MSRA: variants seen among roughly 807,000 people sequenced by gnomAD.
MSRA encodes mitochondrial peptide methionine sulfoxide reductase.
A neutral mutation model predicts 31.3 loss-of-function variants in MSRA; 54 were observed. That is an observed-to-expected ratio of 1.73 (90% CI 1.39 to 2.17). The LOEUF is 2.17. Ranked by LOEUF, MSRA falls within the 30% of genes most tolerant of loss-of-function variation. MSRA has a pLI of 0.00. For missense variants in MSRA, 507 were observed against 300.9 expected, an observed-to-expected ratio of 1.69 and a Z score of -5.07; for synonymous variants, 169 against 116.5, an observed-to-expected ratio of 1.45 and a Z score of -2.90.
chr8:10,324,444 C>A (rs1430406066), intron 5 of MSRA, among the ~76,000 whole-genome samples: 1 of 152,078 alleles, frequency 6.6e-6, no homozygotes, highest in Non-Finnish European at 1.5e-5. Flanking sequence ...CATGGGACGG[C>A]CACGGAACAT....
intron 1 of MSRA, among the ~76,000 whole-genome samples, chr8:10,096,886 G>A (rs994335438): frequency 4.6e-5 from 7 of 152,112 alleles, no homozygotes; most frequent in African/African-American, 1.7e-4. Context: ...ATTAAGTTAT[G>A]ACTTCCTATA....
At chr8:10,404,153 C>A (rs955445355) in intron 5 of MSRA, among the ~76,000 whole-genome samples, 1 of 152,124 alleles carries the variant, frequency 6.6e-6, no homozygotes, top group Admixed American at 6.5e-5. Context: ...TGCATCACCT[C>A]GGCCCCTGGT....
intron 1 of MSRA, among the ~76,000 whole-genome samples, chr8:10,200,633 C>T (rs575892664): frequency 1.8e-4 from 27 of 152,270 alleles, no homozygotes; most frequent in African/African-American, 6.5e-4. Context: ...GGAGAAGCCC[C>T]TCCCAGTGAC....
intron 3 of MSRA, among the ~76,000 whole-genome samples, chr8:10,247,773 C>CT (rs2129084125): frequency 6.6e-6 from 1 of 152,226 alleles, no homozygotes; most frequent in East Asian, 1.9e-4. Context: ...TTTCCCTAGG[C>CT]TTTTTTGTTG....
intron 1 of MSRA, among the ~76,000 whole-genome samples, chr8:10,166,206 C>T (rs1471240180): frequency 3.3e-5 from 5 of 152,112 alleles, no homozygotes; most frequent in Non-Finnish European, 5.9e-5. Context: ...TGACAGGCTT[C>T]TTTAGAAGTT....
intron 5 of MSRA, among the ~76,000 whole-genome samples, chr8:10,333,603 C>T (rs1802836433): frequency 6.6e-6 from 1 of 152,170 alleles, no homozygotes; most frequent in Non-Finnish European, 1.5e-5. Context: ...GTGGCTACTT[C>T]TTAGGCAGTT....
chr8:10,383,384 G>T (rs1347490786), intron 5 of MSRA, among the ~76,000 whole-genome samples: 1 of 152,196 alleles, frequency 6.6e-6, no homozygotes, highest in Non-Finnish European at 1.5e-5. Flanking sequence ...CGTGTGTGTT[G>T]TGTGTTTCTG....
chr8:10,395,446 A>G (rs534990173), intron 5 of MSRA, among the ~76,000 whole-genome samples: 10 of 152,294 alleles, frequency 6.6e-5, no homozygotes, highest in African/African-American at 2.2e-4. Flanking sequence ...AGGCCAAAAT[A>G]TGGAAGAAAC....
chr8:10,149,144 G>A (rs983303341), intron 1 of MSRA, among the ~76,000 whole-genome samples: 3 of 144,294 alleles, frequency 2.1e-5, no homozygotes, highest in Admixed American at 7.0e-5. Context: ...TTTTTTATTC[G>A]TAGTTTTGCT....
intron 3 of MSRA, among the ~76,000 whole-genome samples, chr8:10,268,146 G>A (rs1474571725): frequency 6.6e-6 from 1 of 152,242 alleles, no homozygotes; most frequent in East Asian, 1.9e-4. Context: ...AAGATGAGCA[G>A]AGCAGTCCTG....
intron 1 of MSRA, among the ~76,000 whole-genome samples, chr8:10,120,488 C>T (rs748388111): frequency 6.6e-6 from 1 of 152,210 alleles, no homozygotes; most frequent in Admixed American, 6.5e-5. Flanking sequence ...ATGGCTCAGT[C>T]ACTTCCAAAA....
rs189278705 is a variant in MSRA, at chr8:10,160,210, A to G, written c.143-47623A>G. Among the ~76,000 whole-genome samples the G allele has an allele frequency of 2.6e-3, 396 of 152,312 alleles. 1 individual carries two copies. The highest frequency in any genetic ancestry group is 9.0e-3 in the African/African-American group (375 of 41,584). ...CCAACAGGTGATTAGAAATATAGAT[A>G]GGATGGGGCCAGGCACAGTGGCTCA... is the stretch of plus-strand genomic sequence containing the variant. On this transcript the variant is annotated intron_variant, in intron 1 of 5. Transcript: ENST00000317173.
At chr8:10,142,391 G>A (rs1293814894) in intron 1 of MSRA, among the ~76,000 whole-genome samples, 1 of 152,244 alleles carries the variant, frequency 6.6e-6, no homozygotes, top group Non-Finnish European at 1.5e-5. Flanking sequence ...GAGCTGGCAA[G>A]TGATGGAGAT....
intron 5 of MSRA, among the ~76,000 whole-genome samples, chr8:10,360,155 T>C (rs1474389875): frequency 6.6e-6 from 1 of 152,132 alleles, no homozygotes; most frequent in African/African-American, 2.4e-5. Context: ...GCCAAGCTGC[T>C]TGAGTGAGCC....
intron 3 of MSRA, among the ~76,000 whole-genome samples, chr8:10,291,650 G>T (rs1377110279): frequency 6.6e-6 from 1 of 152,050 alleles, no homozygotes; most frequent in Non-Finnish European, 1.5e-5. Context: ...TGGGAAAAGG[G>T]GAGGTATTAT....
At chr8:10,371,322 C>A (rs145622061) in intron 5 of MSRA, among the ~76,000 whole-genome samples, 8 of 152,016 alleles carry the variant, frequency 5.3e-5, no homozygotes, top group Admixed American at 2.0e-4. Flanking sequence ...GCTTCCTGAG[C>A]GCGCTCTCAT....
intron 3 of MSRA, among the ~76,000 whole-genome samples, chr8:10,265,326 G>T (rs77567937): frequency 6.6e-6 from 1 of 152,174 alleles, no homozygotes; most frequent in Non-Finnish European, 1.5e-5. Context: ...ATCCTGGGGG[G>T]AGATTGAGGT....
intron 2 of MSRA, among the ~76,000 whole-genome samples, chr8:10,244,415 A>G (rs970708275): frequency 6.6e-6 from 1 of 152,184 alleles, no homozygotes; most frequent in Non-Finnish European, 1.5e-5. Flanking sequence ...CCACTGGTAT[A>G]CACACAATGT....
chr8:10,282,080 T>A lies in MSRA; in HGVS notation c.332-19454T>A, dbSNP rs1799653366. ...TACAATAGTGTGTGGATGGCAGAGA[T>A]GCATTGGGAGCTGAAATAATTCATT... On this transcript the variant is annotated intron_variant, in intron 3 of 5. Transcript: ENST00000317173. Among the ~76,000 whole-genome samples the A allele has an allele frequency of 2.0e-5, 3 of 152,198 alleles. No homozygotes were observed. The South Asian group carries it at 6.2e-4, about 32-fold the overall frequency.
Sources: gnomAD v4.1 joint callset for allele counts (sites outside exome capture counted in the v4.1 genomes callset) on GRCh38, gnomAD v4.1.1 for gene constraint, MANE v1.5 for transcripts, NCBI Gene and HGNC (gene_info 2026-07-23, HGNC 2026-07-21) for gene names.